The following CRB1 variants were observed in gnomAD, a reference collection of about 807,000 sequenced individuals.
CRB1 encodes protein crumbs homolog 1.
Under a neutral mutation model 120.0 loss-of-function variants are expected in CRB1, and 83 were observed. That is an observed-to-expected ratio of 0.69 (90% confidence interval 0.58 to 0.83). The LOEUF (loss-of-function observed/expected upper bound fraction) is 0.83. Ranked by LOEUF, CRB1 falls within the 40% of genes least tolerant of loss-of-function variation. CRB1 has a pLI of 0.00. For missense variants in CRB1, 1,699 were observed against 1,687.6 expected (o/e 1.01, Z -0.12); for synonymous variants, 625 against 612.5 (o/e 1.02, Z -0.30).
the CRB1 span, among the ~76,000 whole-genome samples, chr1:197,229,789 C>G: frequency 6.6e-6 from 1 of 152,024 alleles, no homozygotes; most frequent in Admixed American, 6.6e-5. Context: ...CCTCTCATTT[C>G]AAAGAAAAAG....
chr1:197,428,702 G>A (rs555175895), intron 7 of CRB1, among the ~76,000 whole-genome samples: 1 of 152,262 alleles, frequency 6.6e-6, no homozygotes, highest in African/African-American at 2.4e-5. Context: ...CAATGTACTA[G>A]GCACTATTTT....
At chr1:197,261,744 T>C in the CRB1 span, among the ~76,000 whole-genome samples, 2 of 152,156 alleles carry the variant, frequency 1.3e-5, no homozygotes, top group Admixed American at 1.3e-4. Context: ...AATTATGTAA[T>C]TAACAATAAA....
chr1:197,464,461 A>G (rs1666666004), intron 11 of CRB1, among the ~76,000 whole-genome samples: 1 of 151,592 alleles, frequency 6.6e-6, no homozygotes, highest in Admixed American at 6.6e-5. Context: ...AAAGTTATAG[A>G]CCCAAGGGAA....
chr1:197,466,891 A>C (rs1186060450), intron 11 of CRB1, among the ~76,000 whole-genome samples: 1 of 152,236 alleles, frequency 6.6e-6, no homozygotes, highest in Non-Finnish European at 1.5e-5. Flanking sequence ...CGATCATAAG[A>C]AAGTCCATGA....
chr1:197,435,883 C>T (rs1665137178), intron 9 of CRB1, among the ~76,000 whole-genome samples: 1 of 151,998 alleles, frequency 6.6e-6, no homozygotes, highest in South Asian at 2.1e-4. Context: ...AACTGTAGCC[C>T]CAGGGTCTAA....
intron 2 of CRB1, among the ~76,000 whole-genome samples, chr1:197,340,146 G>A (rs188218983): frequency 7.2e-5 from 11 of 152,308 alleles, no homozygotes; most frequent in African/African-American, 2.6e-4. Context: ...AATTTTGAGA[G>A]CACAGTGAAG....
intron 5 of CRB1, among the ~76,000 whole-genome samples, chr1:197,412,446 T>C (rs1386111256): frequency 3.3e-5 from 5 of 152,234 alleles, no homozygotes; most frequent in Non-Finnish European, 7.3e-5. Flanking sequence ...TCTCATAGCC[T>C]AGTATCAAAG....
At chr1:197,417,808 A>T (rs1207139016) in intron 5 of CRB1, among the ~76,000 whole-genome samples, 3 of 152,156 alleles carry the variant, frequency 2.0e-5, no homozygotes, top group African/African-American at 7.2e-5. Flanking sequence ...AGGGGACAAA[A>T]CACATAAATC....
At chr1:197,332,044 G>T (rs1461069045) in intron 2 of CRB1, among the ~76,000 whole-genome samples, 2 of 152,100 alleles carry the variant, frequency 1.3e-5, no homozygotes, top group Non-Finnish European at 2.9e-5. Flanking sequence ...GGAGGCTGAG[G>T]CAGGAGAATT....
intron 9 of CRB1, among the ~76,000 whole-genome samples, chr1:197,436,536 C>A (rs1441357177): frequency 6.6e-6 from 1 of 151,936 alleles, no homozygotes; most frequent in Non-Finnish European, 1.5e-5. Flanking sequence ...ATTATTCTGT[C>A]ATTAATGAGG....
intron 1 of CRB1, among the ~76,000 whole-genome samples, chr1:197,290,156 C>A (rs921812275): frequency 6.6e-6 from 1 of 151,332 alleles, no homozygotes; most frequent in Non-Finnish European, 1.5e-5. Flanking sequence ...CCTATGAGTA[C>A]CTTTTGGAAC....
chr1:197,216,103 C>G, the CRB1 span, among the ~76,000 whole-genome samples: 3 of 152,134 alleles, frequency 2.0e-5, no homozygotes, highest in African/African-American at 7.2e-5. Context: ...TGTAGAGTTT[C>G]CTTTCCTTAG....
the CRB1 span, among the ~76,000 whole-genome samples, chr1:197,236,924 T>C: frequency 6.6e-6 from 1 of 152,188 alleles, no homozygotes; most frequent in Non-Finnish European, 1.5e-5. Context: ...TTAAACTTGC[T>C]AGCATTTTAT....
At chr1:197,459,068 G>A (rs1328528455) in intron 11 of CRB1, among the ~76,000 whole-genome samples, 1 of 152,066 alleles carries the variant, frequency 6.6e-6, no homozygotes, top group Non-Finnish European at 1.5e-5. Flanking sequence ...GGAAAAAAAA[G>A]TTTGGATGGG....
intron 1 of CRB1, among the ~76,000 whole-genome samples, chr1:197,323,508 G>A (rs1225973607): frequency 6.6e-6 from 1 of 152,134 alleles, no homozygotes; most frequent in Non-Finnish European, 1.5e-5. Flanking sequence ...CATAGTAAAA[G>A]GGGTCATTCA....
chr1:197,313,039 G>A (rs1460765912), intron 1 of CRB1, among the ~76,000 whole-genome samples: 2 of 152,128 alleles, frequency 1.3e-5, no homozygotes, highest in Non-Finnish European at 2.9e-5. Flanking sequence ...AGTTCTTCAG[G>A]CTTAACAAGA....
intron 11 of CRB1, among the ~76,000 whole-genome samples, chr1:197,475,474 C>G (rs1325594761): frequency 6.6e-6 from 1 of 152,176 alleles, no homozygotes; most frequent in East Asian, 1.9e-4. Context: ...TCAATTCTCA[C>G]TCCTTTGCTA....
intron 5 of CRB1, among the ~76,000 whole-genome samples, chr1:197,377,904 T>C (rs914204949): frequency 2.0e-5 from 3 of 152,200 alleles, no homozygotes; most frequent in Admixed American, 2.0e-4. Flanking sequence ...CTTCCTAGCT[T>C]AAGGCAAATT....
At chr1:197,325,794 A>G (rs1658460964) in intron 1 of CRB1, among the ~76,000 whole-genome samples, 1 of 152,204 alleles carries the variant, frequency 6.6e-6, no homozygotes, top group African/African-American at 2.4e-5. Context: ...TGAGGATACA[A>G]TGAGGAGTGT....
Sources: gnomAD v4.1 joint callset for allele counts (sites outside exome capture counted in the v4.1 genomes callset) on GRCh38, gnomAD v4.1.1 for gene constraint, MANE v1.5 for transcripts, NCBI Gene and HGNC (gene_info 2026-07-23, HGNC 2026-07-21) for gene names.